SYNPO2: variants seen among roughly 807,000 people sequenced by gnomAD.
SYNPO2 encodes the protein synaptopodin 2.
In SYNPO2, 56 loss-of-function variants were observed where a neutral mutation model predicts 85.0. That is an observed-to-expected ratio of 0.66 (90% confidence interval 0.53 to 0.82). The LOEUF (loss-of-function observed/expected upper bound fraction) is 0.82, where lower values mean the gene tolerates loss of function less well. Ranked by LOEUF, SYNPO2 falls within the 40% of genes least tolerant of loss-of-function variation. The probability of loss-of-function intolerance (pLI) is 0.00; values close to 1 mark genes in which losing one functional copy is unlikely to be tolerated. For missense variants in SYNPO2, 1,575 were observed against 1,534.2 expected (o/e 1.03, Z -0.44); for synonymous variants, 602 against 591.1 (o/e 1.02, Z -0.27).
At position 118,999,443 on chromosome 4, in the gene SYNPO2, C is replaced by T. The variant is rs147266341; in HGVS notation, c.106-23987C>T. Among the ~76,000 whole-genome samples, 814 of 152,218 alleles carry T rather than the reference C, an allele frequency of 5.3e-3. 4 individuals carry two copies. Among genetic ancestry groups the T allele is most frequent in the African/African-American group, 0.018 (761 of 41,518 alleles). Reference sequence around the variant, plus strand: ...CTGGAATTATAGGCGTGAACCATGGCACCCAGCCTGGATAATAAGATTAAA... The same window carrying T: ...CTGGAATTATAGGCGTGAACCATGGTACCCAGCCTGGATAATAAGATTAAA... On this transcript the variant is annotated intron_variant, in intron 1 of 4. Coordinates refer to ENST00000307142, the MANE Select transcript of SYNPO2 (RefSeq NM_133477.3).
In SYNPO2 at chr4:119,057,476, C is replaced by CCCCATTT. The variant is rs1739243935; in HGVS notation, c.3329_3330insCCATTTC (p.Thr1111HisfsTer5). On this transcript the variant is annotated frameshift_variant, in exon 5 of 5. Coordinates refer to ENST00000307142, the MANE Select transcript of SYNPO2 (RefSeq NM_133477.3). LOFTEE classifies it low-confidence loss of function (END_TRUNC). ...TTCTACATCTCCTTGGGTATACCAG[C>CCCCATTT]CTACTTATAGTTACTCTAGTAAACC... 1 of 1,613,826 alleles carries CCCCATTT rather than the reference C, an allele frequency of 6.2e-7. No homozygotes were observed. Among genetic ancestry groups the CCCCATTT allele is most frequent in the Non-Finnish European group, 8.5e-7 (1 of 1,179,990 alleles).
chr4:118,931,757 T>C (rs1733940200), intron 1 of SYNPO2, among the ~76,000 whole-genome samples: 1 of 152,178 alleles, frequency 6.6e-6, no homozygotes, highest in Admixed American at 6.5e-5. Context: ...TTCCTTTGGC[T>C]AAATTGAATC....
chr4:118,911,553 T>G (rs975449518), intron 1 of SYNPO2, among the ~76,000 whole-genome samples: 5 of 152,206 alleles, frequency 3.3e-5, no homozygotes, highest in Admixed American at 3.3e-4. Flanking sequence ...TTATTTTCTT[T>G]GTGCATGCAT....
chr4:119,055,474 G>C (rs899742586), intron 4 of SYNPO2, among the ~76,000 whole-genome samples: 1 of 152,160 alleles, frequency 6.6e-6, no homozygotes, highest in Non-Finnish European at 1.5e-5. Context: ...TTCTGTAATT[G>C]ACTTAATTCA....
chr4:119,017,030 G>A (rs1161427349), intron 1 of SYNPO2, among the ~76,000 whole-genome samples: 9 of 152,066 alleles, frequency 5.9e-5, no homozygotes, highest in Non-Finnish European at 1.3e-4. Context: ...TTTTTGTCTG[G>A]ATATATCTTG....
intron 1 of SYNPO2, among the ~76,000 whole-genome samples, chr4:118,879,788 C>T (rs962624657): frequency 2.0e-5 from 3 of 152,120 alleles, no homozygotes; most frequent in Non-Finnish European, 4.4e-5. Context: ...CAGTCAGGTA[C>T]GTAACTGCAA....
chr4:118,958,365 C>G (rs1004196463), intron 1 of SYNPO2, among the ~76,000 whole-genome samples: 3 of 152,088 alleles, frequency 2.0e-5, no homozygotes, highest in African/African-American at 7.2e-5. Flanking sequence ...TACTTCAAGT[C>G]TTCTTATTTC....
At chr4:118,935,515 C>A (rs571023545) in intron 1 of SYNPO2, among the ~76,000 whole-genome samples, 63 of 152,332 alleles carry the variant, frequency 4.1e-4, no homozygotes, top group African/African-American at 1.5e-3. Flanking sequence ...AAACAAAGGA[C>A]CACACAATGG....
chr4:118,906,239 T>C (rs2149121630), intron 1 of SYNPO2, among the ~76,000 whole-genome samples: 1 of 152,272 alleles, frequency 6.6e-6, no homozygotes, highest in Non-Finnish European at 1.5e-5. Context: ...GCAACTTATA[T>C]AAAGAGTAAT....
rs1739391559 is a variant in SYNPO2, at chr4:119,060,883, T to A, written c.*2949T>A. On this transcript the variant is annotated 3_prime_UTR_variant, in exon 5 of 5. Coordinates refer to ENST00000307142, the MANE Select transcript of SYNPO2 (RefSeq NM_133477.3). ...GTTTCTTAAATGCGTGGATTCTTGT[T>A]CATTTATCTCTGAATATGTCTCTTT... 1 of 152,174 alleles carries A rather than the reference T, an allele frequency of 6.6e-6. No homozygotes were observed. Among genetic ancestry groups the A allele is most frequent in the Admixed American group, 6.6e-5 (1 of 15,262 alleles). 9.4% of individuals were successfully genotyped at this position (152,174 alleles called of 1,614,324 possible). A position where few individuals can be genotyped will look rare whatever the true frequency, so the allele number is the denominator to read the frequency against.
chr4:119,013,654 A>G (rs186986296), intron 1 of SYNPO2, among the ~76,000 whole-genome samples: 1 of 152,358 alleles, frequency 6.6e-6, no homozygotes, highest in Non-Finnish European at 1.5e-5. Flanking sequence ...TGTGAATATG[A>G]CAGCATCCCA....
In SYNPO2 at chr4:119,026,735, G is replaced by T. The variant is rs147426423; in HGVS notation, c.366G>T (p.Pro122=). 6.5e-4 allele frequency: 1,056 copies of T among 1,614,088 alleles called. 8 individuals carry two copies. In the African/African-American group the frequency reaches 0.013, roughly 20 times the overall value. ...AAAGTACCACCCTGCAGATTCGACC[G>T]GCCACAAAGACCCAGTGCACAGAAT... The part of the protein sequence containing the change: ...YVESTTLQIR[P]ATKTQCTEFF... The change falls in exon 3 of 5, where the codon CCG becomes CCT. Residue 122 remains proline (P), a synonymous_variant. Transcript: ENST00000307142.
intron 1 of SYNPO2, among the ~76,000 whole-genome samples, chr4:118,854,817 G>T (rs1354792448): frequency 6.6e-6 from 1 of 152,082 alleles, no homozygotes; most frequent in Non-Finnish European, 1.5e-5. Context: ...TACACACAGA[G>T]TAATTGAACT....
intron 4 of SYNPO2, chr4:119,038,206 T>G: frequency 1.0e-6 from 1 of 985,376 alleles, no homozygotes; most frequent in Non-Finnish European, 1.2e-6. Context: ...TTTCCCAAAC[T>G]GATTCACCAA....
Position 119,058,076 on chromosome 4 carries a change from C to CTGTGTG in SYNPO2, c.*158_*163dup, listed in dbSNP as rs35036907. 5.3e-6 allele frequency: 3 copies of CTGTGTG among 564,438 alleles called. No homozygotes were observed. The highest frequency in any genetic ancestry group is 9.1e-6 in the Non-Finnish European group (3 of 328,414). The allele number at this position is 564,438 out of a possible 1,614,324, so 35.0% of individuals were successfully genotyped here. ...AAGTCATTTATCTAAGTTTGTGTTT[C>CTGTGTG]TGTGTGTGTGTGTGTGTGTGTATGT... On this transcript the variant is annotated 3_prime_UTR_variant, in exon 5 of 5. Transcript: ENST00000307142.
chr4:118,987,167 A>G (rs78687864), intron 1 of SYNPO2, among the ~76,000 whole-genome samples: 12,294 of 152,322 alleles, frequency 0.081, 556 homozygotes, highest in East Asian at 0.15. Flanking sequence ...AATTTACAGA[A>G]CAAGTTAATA....
intron 1 of SYNPO2, among the ~76,000 whole-genome samples, chr4:118,901,653 A>T (rs1302430996): frequency 6.6e-6 from 1 of 152,220 alleles, no homozygotes; most frequent in East Asian, 1.9e-4. Flanking sequence ...TTGAAACTAG[A>T]TAATTATATG....
At position 118,958,284 on chromosome 4, in the gene SYNPO2, G is replaced by T. The variant is rs369496273; in HGVS notation, c.106-65146G>T. Among the ~76,000 whole-genome samples, 22 of 152,242 alleles carry T rather than the reference G, an allele frequency of 1.4e-4. No individual in the cohort carries two copies. The South Asian group carries it at 4.6e-3, about 32-fold the overall frequency. On this transcript the variant is annotated intron_variant, in intron 1 of 4. Coordinates refer to ENST00000307142, the MANE Select transcript of SYNPO2 (RefSeq NM_133477.3). ...CTGCGGTGCGTGTATGTTGGGGTTG[G>T]GGGCGGGGTGATTTAGCCTGAGGAA...
intron 4 of SYNPO2, chr4:119,036,864 C>T: frequency 8.8e-7 from 1 of 1,132,114 alleles, no homozygotes; most frequent in Non-Finnish European, 1.1e-6. Flanking sequence ...ATATCAAGTC[C>T]TGTCAAACAT....
Sources: allele counts gnomAD v4.1 joint callset (sites outside exome capture counted in the v4.1 genomes callset), GRCh38; gene constraint gnomAD v4.1.1; transcripts MANE v1.5; gene names NCBI Gene and HGNC (gene_info 2026-07-23, HGNC 2026-07-21).